P3H2: variants seen among roughly 807,000 people sequenced by gnomAD.
The protein encoded by P3H2 is prolyl 3-hydroxylase 2.
P3H2 carries 80 observed loss-of-function variants against 87.0 expected under a neutral mutation model. The observed-to-expected ratio is 0.92, with a 90% CI of 0.77 to 1.11. The LOEUF is 1.11. Ranked by LOEUF, P3H2 falls within the 50% of genes least tolerant of loss-of-function variation. The pLI, the probability that P3H2 is intolerant of heterozygous loss-of-function variation, is 0.00. For missense variants in P3H2, 1,001 were observed against 923.9 expected, an observed-to-expected ratio of 1.08 and a Z score of -1.08; for synonymous variants, 367 against 359.3, an observed-to-expected ratio of 1.02 and a Z score of -0.24.
chr3:190,044,814 T>C (rs556143964), intron 1 of P3H2, among the ~76,000 whole-genome samples: 1 of 152,286 alleles, frequency 6.6e-6, no homozygotes, highest in East Asian at 1.9e-4. Context: ...ATTGTCACTA[T>C]GATTTAGCGG....
In P3H2 at chr3:189,969,160, T is replaced by C. The variant is rs959530998; in HGVS notation, c.1893+1656A>G. ...AGCATTTTCTTTCGGGGTCTGTAAGTCCCGGTCCACCAAAACTGCTTCCTC... is the reference window on the plus strand; with the variant it reads ...AGCATTTTCTTTCGGGGTCTGTAAGCCCCGGTCCACCAAAACTGCTTCCTC... On this transcript the variant is annotated intron_variant, in intron 13 of 14. Coordinates refer to ENST00000319332, the MANE Select transcript of P3H2 (RefSeq NM_018192.4). 12 of 641,006 alleles carry C rather than the reference T, an allele frequency of 1.9e-5. No individual in the cohort carries two copies. The Admixed American group carries it at 2.0e-4, about 11-fold the overall frequency. The allele number at this position is 641,006 out of a possible 1,614,324, so 39.7% of individuals were successfully genotyped here.
intron 13 of P3H2, 115 bp downstream of exon 13, chr3:189,970,701 T>A (rs563901746): frequency 2.8e-6 from 2 of 706,338 alleles, no homozygotes; most frequent in African/African-American, 3.5e-5. Context: ...TCTCTTAACC[T>A]CTTGAAATCT....
intron 1 of P3H2, among the ~76,000 whole-genome samples, chr3:190,042,288 G>A (rs2108955540): frequency 6.6e-6 from 1 of 152,256 alleles, no homozygotes; most frequent in East Asian, 1.9e-4. Flanking sequence ...CACAAAGTTT[G>A]TGGCAAGTAA....
At chr3:190,067,335 A>C (rs907762255) in intron 1 of P3H2, among the ~76,000 whole-genome samples, 5 of 152,196 alleles carry the variant, frequency 3.3e-5, no homozygotes, top group African/African-American at 4.8e-5. Flanking sequence ...ATTATCAAGC[A>C]GTCTTCATGT....
intron 1 of P3H2, among the ~76,000 whole-genome samples, chr3:190,046,551 C>A (rs1423527572): frequency 6.6e-6 from 1 of 152,140 alleles, no homozygotes; most frequent in Non-Finnish European, 1.5e-5. Flanking sequence ...GCCACTGTAG[C>A]TGTGGATGCT....
At chr3:190,066,424 G>A (rs903429106) in intron 1 of P3H2, among the ~76,000 whole-genome samples, 2 of 151,974 alleles carry the variant, frequency 1.3e-5, no homozygotes, top group Non-Finnish European at 2.9e-5. Context: ...CTCATAAGTG[G>A]GAGCTGAGCT....
intron 1 of P3H2, among the ~76,000 whole-genome samples, chr3:190,082,421 A>C (rs969345376): frequency 1.3e-5 from 2 of 152,116 alleles, no homozygotes; most frequent in Non-Finnish European, 2.9e-5. Flanking sequence ...CCACCCAAAG[A>C]TTCTTGTTTT....
At chr3:189,971,863 T>C (rs1345772926) in intron 12 of P3H2, 27 bp downstream of exon 12, 10 of 1,348,086 alleles carry the variant, frequency 7.4e-6, no homozygotes, top group Middle Eastern at 1.8e-4. Flanking sequence ...GGTAAAAGCT[T>C]TGTTTTGAAG....
At chr3:190,031,709 C>A (rs1725259109) in intron 1 of P3H2, among the ~76,000 whole-genome samples, 1 of 149,812 alleles carries the variant, frequency 6.7e-6, no homozygotes, top group African/African-American at 2.5e-5. Context: ...TAAGGAAAAT[C>A]ACTAAAAGTC....
chr3:190,057,535 C>T lies in P3H2; in HGVS notation c.481-62093G>A, dbSNP rs139443828. Among the ~76,000 whole-genome samples, 74 of 152,282 alleles carry T rather than the reference C, an allele frequency of 4.9e-4. No homozygotes were observed. The East Asian group carries it at 0.012, about 25-fold the overall frequency. On this transcript the variant is annotated intron_variant, in intron 1 of 14. Transcript: ENST00000319332. The stretch of plus-strand genomic sequence containing the variant: ...CTAGTTCCCTGGAAACAGAATCCCA[C>T]ATCACTCCTCCACCTGAAGCAAGCT...
chr3:190,020,300 G>A lies in P3H2; in HGVS notation c.481-24858C>T, dbSNP rs569350972. On this transcript the variant is annotated intron_variant, in intron 1 of 14. Transcript: ENST00000319332. ...AATGTGTGATCTTGCTAATGTAAAC[G>A]TCAAAGGATTTAGAAAAAAGTAAAA... Among the ~76,000 whole-genome samples the A allele has an allele frequency of 5.5e-3, 746 of 134,536 alleles. 150 individuals are homozygous for A. The highest frequency in any genetic ancestry group is 9.8e-3 in the Non-Finnish European group (589 of 60,340). The allele number at this position is 134,536 out of a possible 152,430, so 88.3% of individuals were successfully genotyped here.
intron 1 of P3H2, among the ~76,000 whole-genome samples, chr3:190,047,053 AC>A (rs1725830612): frequency 6.6e-6 from 1 of 152,200 alleles, no homozygotes. Flanking sequence ...AAACAAAAAA[AC>A]AAATAATCTG....
At chr3:189,959,242 T>A (rs1560335332) in intron 14 of P3H2, among the ~76,000 whole-genome samples, 2 of 149,550 alleles carry the variant, frequency 1.3e-5, no homozygotes, top group Admixed American at 6.6e-5. Flanking sequence ...TTTTTTTTTC[T>A]TTTATTTATT....
intron 13 of P3H2, among the ~76,000 whole-genome samples, chr3:189,970,559 G>C (rs1723147967): frequency 6.6e-6 from 1 of 151,742 alleles, no homozygotes; most frequent in Non-Finnish European, 1.5e-5. Context: ...TTGGTTCCAA[G>C]TCTAACACTA....
chr3:189,965,043 T>C (rs1003126386), intron 13 of P3H2, among the ~76,000 whole-genome samples: 1 of 152,212 alleles, frequency 6.6e-6, no homozygotes, highest in Non-Finnish European at 1.5e-5. Flanking sequence ...CTCTGTATAG[T>C]TCAGAAAAGT....
At chr3:189,965,357 T>A (rs899113248) in intron 13 of P3H2, among the ~76,000 whole-genome samples, 1 of 152,192 alleles carries the variant, frequency 6.6e-6, no homozygotes, top group Non-Finnish European at 1.5e-5. Flanking sequence ...CATATGTGTT[T>A]ATGTGGGCAT....
chr3:190,044,391 G>C (rs1179343994), intron 1 of P3H2, among the ~76,000 whole-genome samples: 2 of 152,184 alleles, frequency 1.3e-5, no homozygotes, highest in African/African-American at 2.4e-5. Flanking sequence ...TTTTAGCCAA[G>C]GCACATTCTC....
chr3:189,972,475 G>A (rs1560342268), intron 11 of P3H2, among the ~76,000 whole-genome samples: 1 of 152,154 alleles, frequency 6.6e-6, no homozygotes, highest in Non-Finnish European at 1.5e-5. Flanking sequence ...GACCGAGAAG[G>A]TCCCGGTCTT....
intron 1 of P3H2, among the ~76,000 whole-genome samples, chr3:190,036,221 CA>C: frequency 6.6e-6 from 1 of 152,268 alleles, no homozygotes; most frequent in South Asian, 2.1e-4. Context: ...CAAACTTTCT[CA>C]TTTTTCAGTT....
Sources: gnomAD v4.1 joint callset for allele counts (sites outside exome capture counted in the v4.1 genomes callset) on GRCh38, gnomAD v4.1.1 for gene constraint, MANE v1.5 for transcripts, NCBI Gene and HGNC (gene_info 2026-07-23, HGNC 2026-07-21) for gene names.